GRB10: variants seen among roughly 807,000 people sequenced by gnomAD.
GRB10 encodes growth factor receptor-bound protein 10.
A neutral mutation model predicts 80.9 loss-of-function variants in GRB10; 20 were observed. The ratio of observed to expected loss-of-function variants is 0.25; its 90% CI spans 0.17 to 0.36. GRB10 has a LOEUF of 0.36. Ranked by LOEUF, GRB10 falls within the 10% of genes least tolerant of loss-of-function variation. GRB10 has a pLI of 1.00. For missense variants in GRB10, 548 were observed against 747.7 expected, an observed-to-expected ratio of 0.73 and a Z score of 3.12; for synonymous variants, 291 against 291.5, an observed-to-expected ratio of 1.00 and a Z score of 0.02.
intron 5 of GRB10, among the ~76,000 whole-genome samples, chr7:50,685,507 C>G (rs779170605): frequency 1.3e-5 from 2 of 152,136 alleles, no homozygotes; most frequent in Admixed American, 1.3e-4. Context: ...CAAGCCCCAG[C>G]GTTCTGCAAG....
Position 50,606,328 on chromosome 7 carries a change from T to G in GRB10, c.1272+9A>C, listed in dbSNP as rs1300495554. ...GCACTAGACTTCTGAAGCTCCTGGC[T>G]TTACTTACCACTGGCGTCGAGAACG... On this transcript the variant is annotated intron_variant, in intron 14 of 18. Coordinates refer to ENST00000401949, the MANE Select transcript of GRB10 (RefSeq NM_001350814.2). 4.3e-6 allele frequency: 7 copies of G among 1,611,408 alleles called. No homozygotes were observed. The highest frequency in any genetic ancestry group is 5.9e-6 in the Non-Finnish European group (7 of 1,177,534).
intron 7 of GRB10, among the ~76,000 whole-genome samples, chr7:50,644,580 C>T (rs1352400893): frequency 2.6e-5 from 4 of 152,202 alleles, no homozygotes; most frequent in African/African-American, 7.2e-5. Flanking sequence ...ATGGGCATTC[C>T]GTTTCAGAAA....
rs1563547387 is a variant in GRB10 at position 50,711,067 on chromosome 7, A to G, written c.52-7159T>C. ...GACCAATGCCACAGAGAGCAGAATG[A>G]CAGGGATTCGAAATGTCTTCCACCT... On this transcript the variant is annotated intron_variant, in intron 4 of 18. Coordinates refer to ENST00000401949, the MANE Select transcript of GRB10 (RefSeq NM_001350814.2). The G allele has an allele frequency of 3.1e-5, 21 of 677,166 alleles. No individual in the cohort carries two copies. In the East Asian group the frequency reaches 5.4e-4, roughly 17 times the overall value. 41.9% of individuals were successfully genotyped at this position (677,166 alleles called of 1,614,324 possible). A position where few individuals can be genotyped will look rare whatever the true frequency, so the allele number is the denominator to read the frequency against.
chr7:50,598,915 G>A (rs1200855903), intron 17 of GRB10, among the ~76,000 whole-genome samples: 1 of 149,886 alleles, frequency 6.7e-6, no homozygotes, highest in East Asian at 2.0e-4. Flanking sequence ...GGCACAGCAG[G>A]AAGGCCAGTG....
At chr7:50,697,532 A>C (rs985718930) in intron 5 of GRB10, among the ~76,000 whole-genome samples, 2 of 152,200 alleles carry the variant, frequency 1.3e-5, no homozygotes, top group African/African-American at 4.8e-5. Flanking sequence ...GTAACAGGTC[A>C]AGGAAAGTCA....
At chr7:50,744,281 G>C (rs1289266698) in intron 3 of GRB10, among the ~76,000 whole-genome samples, 1 of 152,172 alleles carries the variant, frequency 6.6e-6, no homozygotes, top group Non-Finnish European at 1.5e-5. Flanking sequence ...AGAAAAGGAC[G>C]GCAGGGAGGG....
At chr7:50,626,779 A>G (rs2052986418) in intron 8 of GRB10, 43 bp downstream of exon 8, 3 of 1,612,108 alleles carry the variant, frequency 1.9e-6, no homozygotes, top group Non-Finnish European at 2.5e-6. Flanking sequence ...TCAATTGCAC[A>G]TAAGCATCCC....
chr7:50,689,508 G>C (rs2062526082), intron 5 of GRB10, among the ~76,000 whole-genome samples: 1 of 151,944 alleles, frequency 6.6e-6, no homozygotes, highest in Non-Finnish European at 1.5e-5. Flanking sequence ...AATAGCTGGG[G>C]ATGGGGGGAC....
intron 1 of GRB10, among the ~76,000 whole-genome samples, chr7:50,790,782 T>C (rs74985313): frequency 0.036 from 5,486 of 152,360 alleles, 323 homozygotes; most frequent in African/African-American, 0.13. Context: ...GATAAACCAA[T>C]CAAGAATTTC....
chr7:50,714,103 T>G (rs2066436805), intron 4 of GRB10, among the ~76,000 whole-genome samples: 1 of 151,844 alleles, frequency 6.6e-6, no homozygotes, highest in Non-Finnish European at 1.5e-5. Flanking sequence ...CCTCACCACT[T>G]CCTCCATCCC....
chr7:50,697,297 G>A (rs2063557436), intron 5 of GRB10, among the ~76,000 whole-genome samples: 1 of 152,158 alleles, frequency 6.6e-6, no homozygotes, highest in African/African-American at 2.4e-5. Flanking sequence ...GGTTAATTTT[G>A]TTTTATATAT....
intron 7 of GRB10, among the ~76,000 whole-genome samples, chr7:50,643,432 C>T (rs1324061454): frequency 2.6e-5 from 4 of 152,138 alleles, no homozygotes; most frequent in Non-Finnish European, 5.9e-5. Flanking sequence ...TTCAAGAAAT[C>T]CCATCCGTCA....
At chr7:50,685,640 C>T (rs960944607) in intron 5 of GRB10, among the ~76,000 whole-genome samples, 1 of 152,052 alleles carries the variant, frequency 6.6e-6, no homozygotes, top group African/African-American at 2.4e-5. Flanking sequence ...TCCCAGAGGC[C>T]AGAAATTCTC....
chr7:50,772,026 C>G (rs2077024655), intron 2 of GRB10, among the ~76,000 whole-genome samples: 1 of 152,180 alleles, frequency 6.6e-6, no homozygotes, highest in Non-Finnish European at 1.5e-5. Flanking sequence ...GTCCCCTAAA[C>G]CTGGTACTGA....
chr7:50,755,873 T>C lies in GRB10; in HGVS notation c.-47+14A>G, dbSNP rs757775. The C allele has an allele frequency of 0.89, 356,419 of 398,700 alleles. 159,535 individuals are homozygous for C. The highest frequency in any genetic ancestry group is 0.96 in the African/African-American group (47,024 of 48,744). The allele number at this position is 398,700 out of a possible 1,614,324, so 24.7% of individuals were successfully genotyped here. Reference sequence around the variant, plus strand: ...AGAAAGGCACTAGTGACTAGTGTCATGCATAGGGCTTACCTGTCAGGAGTT... The same window carrying C: ...AGAAAGGCACTAGTGACTAGTGTCACGCATAGGGCTTACCTGTCAGGAGTT... On this transcript the variant is annotated intron_variant, in intron 3 of 18. Transcript: ENST00000401949.
intron 5 of GRB10, among the ~76,000 whole-genome samples, chr7:50,694,371 G>A (rs913743846): frequency 6.6e-6 from 1 of 152,176 alleles, no homozygotes; most frequent in Admixed American, 6.5e-5. Context: ...AATCCATCAC[G>A]AGGCCACTGA....
At chr7:50,767,502 T>C (rs2076479174) in intron 2 of GRB10, among the ~76,000 whole-genome samples, 1 of 152,190 alleles carries the variant, frequency 6.6e-6, no homozygotes, top group Admixed American at 6.5e-5. Flanking sequence ...ACTTCAGGGA[T>C]GCTCCACAGG....
chr7:50,638,188 G>A (rs1040476092), intron 7 of GRB10, among the ~76,000 whole-genome samples: 3 of 152,246 alleles, frequency 2.0e-5, no homozygotes, highest in African/African-American at 7.2e-5. Flanking sequence ...AGAAAACCTA[G>A]GAAAAAACTT....
chr7:50,608,486 T>C (rs1220368000), intron 13 of GRB10, among the ~76,000 whole-genome samples: 1 of 152,094 alleles, frequency 6.6e-6, no homozygotes, highest in East Asian at 1.9e-4. Flanking sequence ...TTAGGAAATA[T>C]TAAAGTGCAA....
Sources: allele counts gnomAD v4.1 joint callset (sites outside exome capture counted in the v4.1 genomes callset), GRCh38; gene constraint gnomAD v4.1.1; transcripts MANE v1.5; gene names NCBI Gene and HGNC (gene_info 2026-07-23, HGNC 2026-07-21).